Variants in KREMEN1 observed in about 807,000 individuals in gnomAD.
The protein encoded by KREMEN1 is kremen protein 1.
In KREMEN1, 30 loss-of-function variants were observed where a neutral mutation model predicts 46.5. The ratio of observed to expected loss-of-function variants is 0.65; its 90% confidence interval spans 0.48 to 0.88. The LOEUF (loss-of-function observed/expected upper bound fraction) is 0.88. KREMEN1 is among the 40% of genes least tolerant of loss of function. The pLI, the probability that KREMEN1 is intolerant of heterozygous loss-of-function variation, is 0.00. For missense variants in KREMEN1, 533 were observed against 596.9 expected (o/e 0.89, Z 1.11); for synonymous variants, 214 against 230.6 (o/e 0.93, Z 0.65).
intron 1 of KREMEN1, among the ~76,000 whole-genome samples, chr22:29,084,210 C>T (rs1367365390): frequency 6.6e-6 from 1 of 152,050 alleles, no homozygotes; most frequent in African/African-American, 2.4e-5. Context: ...TCATCACTAT[C>T]TTGGTTTTGG....
At chr22:29,159,775 G>A (rs754050040) in intron 9 of KREMEN1, among the ~76,000 whole-genome samples, 13 of 152,302 alleles carry the variant, frequency 8.5e-5, no homozygotes, top group African/African-American at 1.9e-4. Flanking sequence ...TGCACGTGAC[G>A]TGATGTTGAG....
rs575688826 is a variant in KREMEN1 at position 29,105,276 on chromosome 22, G to T, written c.352+6323G>T. 8.6e-5 allele frequency among the ~76,000 whole-genome samples: 13 copies of T among 151,302 alleles called. No homozygotes were observed. The East Asian group carries it at 2.0e-3, about 23-fold the overall frequency. Reference sequence around the variant, plus strand: ...TCACCTGGGATCTTATTAAAATACAGATTCTTATCAGTATGTCTAGAACAG... The same window carrying T: ...TCACCTGGGATCTTATTAAAATACATATTCTTATCAGTATGTCTAGAACAG... On this transcript the variant is annotated intron_variant, in intron 3 of 8. Transcript: ENST00000400335.
At chr22:29,077,053 T>C (rs2037583860) in intron 1 of KREMEN1, among the ~76,000 whole-genome samples, 1 of 152,218 alleles carries the variant, frequency 6.6e-6, no homozygotes, top group South Asian at 2.1e-4. Context: ...AGATAAAATA[T>C]ATTGCTTTAA....
Position 29,098,961 on chromosome 22 carries a change from T to C in KREMEN1, c.352+8T>C. On this transcript the variant is annotated splice_region_variant and intron_variant, in intron 3 of 8. Coordinates refer to ENST00000400335, the MANE Select transcript of KREMEN1 (RefSeq NM_001039570.3). ...AGATACCTGCTTGCCAGAGTAAGAC[T>C]GTAATACCCAATGTGATGGTTTACA... The C allele has an allele frequency of 6.3e-7, 1 of 1,593,008 alleles. No homozygotes were observed. Among genetic ancestry groups the C allele is most frequent in the East Asian group, 2.2e-5 (1 of 44,790 alleles).
intron 3 of KREMEN1, among the ~76,000 whole-genome samples, chr22:29,120,315 G>A (rs111174389): frequency 2.7e-5 from 4 of 150,212 alleles, no homozygotes; most frequent in African/African-American, 4.9e-5. Flanking sequence ...ACAGGGAGGA[G>A]GGAGAGGTGA....
chr22:29,080,048 A>G (rs1226579309), intron 1 of KREMEN1, among the ~76,000 whole-genome samples: 1 of 152,268 alleles, frequency 6.6e-6, no homozygotes, highest in Non-Finnish European at 1.5e-5. Flanking sequence ...CATAAAATAC[A>G]GTGGAAATCT....
intron 3 of KREMEN1, among the ~76,000 whole-genome samples, chr22:29,103,457 G>T (rs979551568): frequency 2.0e-5 from 3 of 152,216 alleles, no homozygotes; most frequent in Admixed American, 1.3e-4. Context: ...TTGACCTGCA[G>T]AGCATGGATC....
At position 29,145,539 on chromosome 22, in the gene KREMEN1, A is replaced by G; in HGVS notation, c.*3427A>G. The stretch of plus-strand genomic sequence containing the variant: ...GCCGATCTTGTCACTCTCCGTGGTG[A>G]CAGTGTCTTGGCCAGCTGTGGCCCC... On this transcript the variant is annotated 3_prime_UTR_variant, in exon 9 of 9. Coordinates refer to ENST00000400335, the MANE Select transcript of KREMEN1 (RefSeq NM_001039570.3). 1.0e-6 allele frequency: 1 copy of G among 985,492 alleles called. No homozygotes were observed. Among genetic ancestry groups the G allele is most frequent in the Non-Finnish European group, 1.2e-6 (1 of 830,006 alleles). The allele number at this position is 985,492 out of a possible 1,614,324, so 61.0% of individuals were successfully genotyped here.
intron 3 of KREMEN1, among the ~76,000 whole-genome samples, chr22:29,114,483 T>C (rs2145798337): frequency 1.4e-5 from 1 of 72,456 alleles, no homozygotes; most frequent in African/African-American, 9.8e-5. Context: ...TGAAACTCCG[T>C]GTCAAAAAAA....
chr22:29,151,948 T>C (rs1159079204), intron 9 of KREMEN1, among the ~76,000 whole-genome samples: 1 of 149,484 alleles, frequency 6.7e-6, no homozygotes, highest in Non-Finnish European at 1.5e-5. Context: ...AGGTGGAGGT[T>C]GCCGTGAGCC....
chr22:29,150,519 GT>G (rs2038907065), downstream of KREMEN1, among the ~76,000 whole-genome samples: 1 of 152,188 alleles, frequency 6.6e-6, no homozygotes, highest in African/African-American at 2.4e-5. Flanking sequence ...ATTTATTTCC[GT>G]CTTAGTAGCA....
chr22:29,137,763 C>T lies in KREMEN1; in HGVS notation c.964+89C>T, dbSNP rs192630347. The T allele has an allele frequency of 1.4e-4, 151 of 1,090,114 alleles. 1 individual carries two copies. The East Asian group carries it at 1.7e-3, about 12-fold the overall frequency. 67.5% of individuals were successfully genotyped at this position (1,090,114 alleles called of 1,614,324 possible). A position where few individuals can be genotyped will look rare whatever the true frequency, so the allele number is the denominator to read the frequency against. The stretch of plus-strand genomic sequence containing the variant: ...ACCCTTGTGACTTGGGCAGTTCTTG[C>T]GGGGCAGATTGGGCCTCAGGAACTA... On this transcript the variant is annotated intron_variant, in intron 6 of 8. Transcript: ENST00000400335.
chr22:29,150,226 G>C (rs755354789), downstream of KREMEN1, among the ~76,000 whole-genome samples: 6 of 152,170 alleles, frequency 3.9e-5, no homozygotes, highest in Non-Finnish European at 5.9e-5. Flanking sequence ...ACTGGTGGGG[G>C]GGGGGGCAGT....
intron 1 of KREMEN1, among the ~76,000 whole-genome samples, chr22:29,075,722 CAT>C (rs1270229307): frequency 6.6e-6 from 1 of 152,280 alleles, no homozygotes; most frequent in Admixed American, 6.5e-5. Flanking sequence ...CACACACACA[CAT>C]ACACACACAC....
intron 2 of KREMEN1, among the ~76,000 whole-genome samples, chr22:29,096,629 T>C (rs1042186188): frequency 6.6e-6 from 1 of 152,222 alleles, no homozygotes; most frequent in Non-Finnish European, 1.5e-5. Flanking sequence ...GAGGCTGAAA[T>C]TGTTGATTAT....
rs132288 is a variant in KREMEN1 at position 29,155,110 on chromosome 22, A to AT, written c.1417-11922dup. Among the ~76,000 whole-genome samples, 54 of 149,764 alleles carry AT rather than the reference A, an allele frequency of 3.6e-4. 1 individual carries two copies. The highest frequency in any genetic ancestry group is 3.1e-3 in the Admixed American group (47 of 15,058). ...AGTCAAAGAACAAAGCATAAGTGTA[A>AT]TTTTTTTTTTTTGGCCAAATTTTAA... On this transcript the variant is annotated intron_variant, in intron 9 of 9. Transcript: ENST00000327813.
intron 1 of KREMEN1, among the ~76,000 whole-genome samples, chr22:29,076,856 A>G (rs967896232): frequency 5.3e-5 from 8 of 152,250 alleles, no homozygotes; most frequent in Non-Finnish European, 1.2e-4. Context: ...CTGTTTCAAA[A>G]TAAACAAATA....
rs2038851462 is a variant in KREMEN1 at position 29,145,890 on chromosome 22, G to A, written c.*3778G>A. On this transcript the variant is annotated 3_prime_UTR_variant, in exon 9 of 9. Coordinates refer to ENST00000400335, the MANE Select transcript of KREMEN1 (RefSeq NM_001039570.3). ...GGGTAGAACCCACGGGCGTGCCTGG[G>A]TGCGGCTCCACCCACATGCCCCACT... 1 of 985,654 alleles carries A rather than the reference G, an allele frequency of 1.0e-6. No homozygotes were observed. The highest frequency in any genetic ancestry group is 1.7e-5 in the African/African-American group (1 of 57,224). 61.1% of individuals were successfully genotyped at this position (985,654 alleles called of 1,614,324 possible).
chr22:29,164,271 G>A (rs1032773131), intron 9 of KREMEN1, among the ~76,000 whole-genome samples: 1 of 152,184 alleles, frequency 6.6e-6, no homozygotes, highest in Non-Finnish European at 1.5e-5. Flanking sequence ...CAAACTGATG[G>A]GACCAGTCCT....
Sources: allele counts gnomAD v4.1 joint callset (sites outside exome capture counted in the v4.1 genomes callset), GRCh38; gene constraint gnomAD v4.1.1; transcripts MANE v1.5; gene names NCBI Gene and HGNC (gene_info 2026-07-23, HGNC 2026-07-21).